LIFR: variants seen among roughly 807,000 people sequenced by gnomAD.
The protein encoded by LIFR is leukemia inhibitory factor receptor.
LIFR carries 84 observed loss-of-function variants against 122.2 expected under a neutral mutation model. That is an observed-to-expected ratio of 0.69 (90% CI 0.58 to 0.82). The LOEUF is 0.82. Ranked by LOEUF, LIFR falls within the 40% of genes least tolerant of loss-of-function variation. The pLI is 0.00. For synonymous variants in LIFR, 422 were observed against 434.7 expected (o/e 0.97, Z 0.36); for missense variants, 1,294 against 1,311.6 (o/e 0.99, Z 0.21).
chr5:38,543,322 A>G lies in LIFR; in HGVS notation c.-19-12656T>C, dbSNP rs184766082. Among the ~76,000 whole-genome samples the G allele has an allele frequency of 9.2e-5, 14 of 152,276 alleles. No individual in the cohort carries two copies. In the East Asian group the frequency reaches 2.7e-3, roughly 29 times the overall value. ...TCCAAAGAGGTTTGGTATTTTTCAC[A>G]TGGCATGCATGAGGAAATAGATTAA... On this transcript the variant is annotated intron_variant, in intron 1 of 19. Transcript: ENST00000453190.
At chr5:38,524,917 C>T (rs892070526) in intron 4 of LIFR, among the ~76,000 whole-genome samples, 3 of 152,128 alleles carry the variant, frequency 2.0e-5, no homozygotes, top group Non-Finnish European at 2.9e-5. Context: ...ATAGTTGTTA[C>T]CTGTGCCAAA....
intron 1 of LIFR, among the ~76,000 whole-genome samples, chr5:38,589,416 T>TA (rs918214667): frequency 3.9e-5 from 6 of 152,128 alleles, no homozygotes; most frequent in Non-Finnish European, 7.4e-5. Flanking sequence ...CCTTAACTAT[T>TA]AAAAAAATAA....
intron 12 of LIFR, among the ~76,000 whole-genome samples, chr5:38,498,980 G>T (rs1745034640): frequency 6.6e-6 from 1 of 152,112 alleles, no homozygotes; most frequent in African/African-American, 2.4e-5. Context: ...AATTGTTCAT[G>T]TTTTTGATAT....
chr5:38,587,799 C>A (rs1289404547), intron 1 of LIFR, among the ~76,000 whole-genome samples: 1 of 152,174 alleles, frequency 6.6e-6, no homozygotes, highest in Non-Finnish European at 1.5e-5. Context: ...ATCTCTATTG[C>A]CTTCTAGTTT....
At chr5:38,583,439 AAAAT>A (rs1450752501) in intron 1 of LIFR, among the ~76,000 whole-genome samples, 1 of 152,210 alleles carries the variant, frequency 6.6e-6, no homozygotes, top group African/African-American at 2.4e-5. Flanking sequence ...TAAAAAAGCA[AAAAT>A]AAATAAATGA....
At chr5:38,484,677 CAA>C (rs147478506) in intron 18 of LIFR, 96 bp downstream of exon 18, 1 of 797,182 alleles carries the variant, frequency 1.3e-6, no homozygotes, top group Admixed American at 2.1e-5. Context: ...CTTATTACAA[CAA>C]AAAAGATACA....
At chr5:38,507,090 A>G (rs903520425) in intron 7 of LIFR, among the ~76,000 whole-genome samples, 15 of 152,182 alleles carry the variant, frequency 9.9e-5, no homozygotes, top group African/African-American at 3.6e-4. Context: ...GAGTTCTAAA[A>G]TACATTATAA....
In LIFR at chr5:38,530,633, G is replaced by A. The variant is rs778287994; in HGVS notation, c.15C>T (p.Tyr5=). Residue 5 remains tyrosine (Y), a synonymous_variant, in exon 2 of 20, where the codon TAC becomes TAT. Transcript: ENST00000453190. ...TCCAGGATGGTCGTTTCAAACATAC[G>A]TAAATATCCATCATCTGTGCAATGC... MMDI[Y]VCLKRPSWMV... is the part of the protein sequence containing the mutation. The A allele has an allele frequency of 2.0e-5, 33 of 1,613,400 alleles. No individual in the cohort carries two copies. The highest frequency in any genetic ancestry group is 2.7e-5 in the African/African-American group (2 of 74,870).
chr5:38,584,573 T>C (rs1749688005), intron 1 of LIFR, among the ~76,000 whole-genome samples: 1 of 151,930 alleles, frequency 6.6e-6, no homozygotes, highest in Non-Finnish European at 1.5e-5. Context: ...ACAACATAAA[T>C]GGACCTGTAC....
At chr5:38,566,894 C>T (rs902770925) in intron 1 of LIFR, among the ~76,000 whole-genome samples, 1 of 152,114 alleles carries the variant, frequency 6.6e-6, no homozygotes, top group African/African-American at 2.4e-5. Flanking sequence ...TGATTTGTAG[C>T]ATTTGACATT....
chr5:38,590,122 T>C (rs747878381), intron 1 of LIFR, among the ~76,000 whole-genome samples: 13 of 152,206 alleles, frequency 8.5e-5, no homozygotes, highest in Non-Finnish European at 1.6e-4. Flanking sequence ...TTTCTCTTCC[T>C]CTCCTGAATA....
rs1277808089 is a variant in LIFR at position 38,475,065 on chromosome 5, T to G, written c.*6530A>C. ...ACAGACATAAGTAACATCTTTAGAG[T>G]TAACAGCCAAGCATACTAGTTTTAC... On this transcript the variant is annotated 3_prime_UTR_variant, in exon 20 of 20. Coordinates refer to ENST00000453190, the MANE Select transcript of LIFR (RefSeq NM_001127671.2). 5.6e-6 allele frequency: 1 copy of G among 177,306 alleles called. No individual in the cohort carries two copies. Among genetic ancestry groups the G allele is most frequent in the Non-Finnish European group, 1.2e-5 (1 of 82,444 alleles). The allele number at this position is 177,306 out of a possible 1,614,324, so 11.0% of individuals were successfully genotyped here. A position where few individuals can be genotyped will look rare whatever the true frequency, so the allele number is the denominator to read the frequency against.
chr5:38,487,570 C>T (rs1443274476), intron 16 of LIFR, among the ~76,000 whole-genome samples: 1 of 152,126 alleles, frequency 6.6e-6, no homozygotes, highest in Non-Finnish European at 1.5e-5. Flanking sequence ...GCTCTATATA[C>T]AGTAGTCCGC....
chr5:38,476,826 G>A lies in LIFR; in HGVS notation c.*4769C>T, dbSNP rs1743746316. ...TTAACACACAACTTTTAATTCTCAT[G>A]AAAATGTTGCACAGTTAGAATTTGT... On this transcript the variant is annotated 3_prime_UTR_variant, in exon 20 of 20. Transcript: ENST00000453190. The A allele has an allele frequency of 1.4e-5, 3 of 212,282 alleles. No individual in the cohort carries two copies. Among genetic ancestry groups the A allele is most frequent in the Admixed American group, 1.2e-4 (2 of 17,036 alleles). The allele number at this position is 212,282 out of a possible 1,614,324, so 13.1% of individuals were successfully genotyped here. A position where few individuals can be genotyped will look rare whatever the true frequency, so the allele number is the denominator to read the frequency against.
intron 1 of LIFR, among the ~76,000 whole-genome samples, chr5:38,582,883 T>G (rs559920506): frequency 6.6e-6 from 1 of 152,346 alleles, no homozygotes; most frequent in African/African-American, 2.4e-5. Context: ...AAGCTATTCA[T>G]CAGGCATTGC....
chr5:38,561,834 G>T (rs1748849131), intron 1 of LIFR, among the ~76,000 whole-genome samples: 1 of 152,106 alleles, frequency 6.6e-6, no homozygotes, highest in Non-Finnish European at 1.5e-5. Context: ...TTTCCCTTTG[G>T]TTCCATTGTA....
chr5:38,489,837 A>C (rs1744477965), intron 15 of LIFR, among the ~76,000 whole-genome samples: 1 of 150,280 alleles, frequency 6.7e-6, no homozygotes, highest in South Asian at 2.1e-4. Flanking sequence ...CTACAAAAAA[A>C]AAAAAAAATT....
At chr5:38,518,559 G>T (rs1746229568) in intron 5 of LIFR, among the ~76,000 whole-genome samples, 1 of 152,202 alleles carries the variant, frequency 6.6e-6, no homozygotes, top group Admixed American at 6.5e-5. Context: ...TTACTCATGT[G>T]TCTGTGGTGA....
chr5:38,542,765 C>T (rs1465544143), intron 1 of LIFR, among the ~76,000 whole-genome samples: 8 of 152,156 alleles, frequency 5.3e-5, no homozygotes, highest in Non-Finnish European at 1.2e-4. Context: ...AGATCATCTA[C>T]CTGGAATGTC....
Sources: gnomAD v4.1 joint callset for allele counts (sites outside exome capture counted in the v4.1 genomes callset) on GRCh38, gnomAD v4.1.1 for gene constraint, MANE v1.5 for transcripts, NCBI Gene and HGNC (gene_info 2026-07-23, HGNC 2026-07-21) for gene names.